Variants in GALR3 observed in about 807,000 individuals in gnomAD.
GALR3 encodes galanin receptor 3, also known as galanin receptor type 3.
Under a neutral mutation model 6.9 loss-of-function variants are expected in GALR3, and 5 were observed. The observed-to-expected ratio is 0.72, with a 90% CI of 0.38 to 1.52. GALR3 has a LOEUF of 1.52. Ranked by LOEUF, GALR3 falls within the 40% of genes most tolerant of loss-of-function variation. GALR3 has a pLI of 0.03. For missense variants in GALR3, 570 were observed against 545.6 expected (o/e 1.04, Z -0.44); for synonymous variants, 308 against 263.6 (o/e 1.17, Z -1.63).
intron 1 of GALR3, among the ~76,000 whole-genome samples, chr22:37,824,393 C>T (rs372865718): frequency 6.6e-6 from 1 of 152,144 alleles, no homozygotes; most frequent in South Asian, 2.1e-4. Flanking sequence ...ACTGCCCACA[C>T]CTGGCCAAGC....
intron 1 of GALR3, 65 bp from the exon 2 acceptor site, chr22:37,824,658 G>C (rs888502136): frequency 5.4e-5 from 56 of 1,031,752 alleles, no homozygotes; most frequent in Non-Finnish European, 6.6e-5. Context: ...GCCCGGGCGC[G>C]GGACGTGGCG....
rs1922547677 is a variant in GALR3 at position 37,824,790 on chromosome 22, G to C, written c.427G>C (p.Val143Leu). Residue 143 changes from valine to leucine, a missense_variant, in exon 2 of 2, where the codon GTG becomes CTG. Physicochemically the swap from Val to Leu is conservative, Grantham distance 32. Transcript: ENST00000249041. ...CACGCCGCGTAACGCCCGCGCCGCA[G>C]TGGGGCTGGTGTGGCTGCTGGCGGC... is the stretch of plus-strand genomic sequence containing the variant. ...LRTPRNARAA[V>L]GLVWLLAALF... The C allele has an allele frequency of 3.0e-6, 4 of 1,331,486 alleles. No homozygotes were observed. Among genetic ancestry groups the C allele is most frequent in the Non-Finnish European group, 2.9e-6 (3 of 1,039,656 alleles). The allele number at this position is 1,331,486 out of a possible 1,614,324, so 82.5% of individuals were successfully genotyped here.
Position 37,825,045 on chromosome 22 carries a change from A to T in GALR3, c.682A>T (p.Arg228Trp), listed in dbSNP as rs1922562995. The change falls in exon 2 of 2, where the codon AGG becomes TGG. Residue 228 changes from arginine (R) to tryptophan (W), a missense_variant. Arg to Trp is a moderately radical substitution (Grantham distance 101). Coordinates refer to ENST00000249041, the MANE Select transcript of GALR3 (RefSeq NM_003614.2). Reference sequence around the variant, plus strand: ...CGCGGCGGCGGCCGAGGCGCGGCGGAGGGCGACGGGCCGCGCGGGGCGCGC... The same window carrying T: ...CGCGGCGGCGGCCGAGGCGCGGCGGTGGGCGACGGGCCGCGCGGGGCGCGC... Reference protein sequence around the residue: ...AGAAAAEARRRATGRAGRAML... With the variant: ...AGAAAAEARRWATGRAGRAML... 8.7e-7 allele frequency: 1 copy of T among 1,145,940 alleles called. No individual in the cohort carries two copies. The highest frequency in any genetic ancestry group is 1.1e-6 in the Non-Finnish European group (1 of 933,136). 71.0% of individuals were successfully genotyped at this position (1,145,940 alleles called of 1,614,324 possible).
chr22:37,824,764 G>T lies in GALR3; in HGVS notation c.401G>T (p.Arg134Leu). The T allele has an allele frequency of 7.9e-7, 1 of 1,271,618 alleles. No homozygotes were observed. The highest frequency in any genetic ancestry group is 9.9e-7 in the Non-Finnish European group (1 of 1,010,910). The allele number at this position is 1,271,618 out of a possible 1,614,324, so 78.8% of individuals were successfully genotyped here. ...CACCCGCTGCGCTCGCGCGCCCTGC[G>T]CACGCCGCGTAACGCCCGCGCCGCA... ...VRHPLRSRAL[R>L]TPRNARAAVG... The change falls in exon 2 of 2, where the codon CGC (arginine) becomes CTC (leucine). Residue 134 changes from arginine (R) to leucine (L), a missense_variant. Transcript: ENST00000249041.
rs1922552973 is a variant in GALR3, at chr22:37,824,867, G to A, written c.504G>A (p.Ala168=). The change falls in exon 2 of 2, where the codon GCG becomes GCA. Residue 168 remains alanine (A), a synonymous_variant. Coordinates refer to ENST00000249041, the MANE Select transcript of GALR3 (RefSeq NM_003614.2). The part of the protein sequence containing the change: ...LSYYGTVRYG[A]LELCVPAWED... ...ACTACGGCACCGTGCGCTACGGCGC[G>A]CTGGAGCTCTGCGTGCCCGCCTGGG... is the stretch of plus-strand genomic sequence containing the variant. 1 of 1,404,650 alleles carries A rather than the reference G, an allele frequency of 7.1e-7. No homozygotes were observed. The highest frequency in any genetic ancestry group is 9.3e-7 in the Non-Finnish European group (1 of 1,074,916). 87.0% of individuals were successfully genotyped at this position (1,404,650 alleles called of 1,614,324 possible).
In GALR3 at chr22:37,824,958, G is replaced by A. The variant is rs1157528760; in HGVS notation, c.595G>A (p.Val199Met). The change falls in exon 2 of 2, where the codon GTG (valine) becomes ATG (methionine). Residue 199 changes from valine (V) to methionine (M), a missense_variant. Transcript: ENST00000249041. The part of the protein sequence containing the change: ...FAAGYLLPVA[V>M]VSLAYGRTLR... ...TGCCGGCTACCTGCTGCCCGTGGCT[G>A]TGGTGAGCCTGGCCTACGGGCGCAC... is the stretch of plus-strand genomic sequence containing the variant. 4 of 1,283,850 alleles carry A rather than the reference G, an allele frequency of 3.1e-6. No individual in the cohort carries two copies. Among genetic ancestry groups the A allele is most frequent in the Non-Finnish European group, 4.0e-6 (4 of 1,009,110 alleles). 79.5% of individuals were successfully genotyped at this position (1,283,850 alleles called of 1,614,324 possible). A position where few individuals can be genotyped will look rare whatever the true frequency, so the allele number is the denominator to read the frequency against.
chr22:37,824,875 T>C lies in GALR3; in HGVS notation c.512T>C (p.Leu171Pro). The change falls in exon 2 of 2, where the codon CTC becomes CCC. Residue 171 changes from leucine (L) to proline (P), a missense_variant. Leu to Pro is a moderately conservative substitution (Grantham distance 98). Coordinates refer to ENST00000249041, the MANE Select transcript of GALR3 (RefSeq NM_003614.2). Reference sequence around the variant, plus strand: ...ACCGTGCGCTACGGCGCGCTGGAGCTCTGCGTGCCCGCCTGGGAGGACGCG... The same window carrying C: ...ACCGTGCGCTACGGCGCGCTGGAGCCCTGCGTGCCCGCCTGGGAGGACGCG... ...YGTVRYGALELCVPAWEDARR... is the reference protein window; with the variant it reads ...YGTVRYGALEPCVPAWEDARR... The C allele has an allele frequency of 2.1e-6, 3 of 1,398,408 alleles. No homozygotes were observed. The highest frequency in any genetic ancestry group is 2.8e-6 in the Non-Finnish European group (3 of 1,072,398). The allele number at this position is 1,398,408 out of a possible 1,614,324, so 86.6% of individuals were successfully genotyped here.
chr22:37,823,528 T>C lies in GALR3; in HGVS notation c.122T>C (p.Val41Ala). 1 of 1,582,936 alleles carries C rather than the reference T, an allele frequency of 6.3e-7. No individual in the cohort carries two copies. The highest frequency in any genetic ancestry group is 8.6e-7 in the Non-Finnish European group (1 of 1,162,674). Reference sequence around the variant, plus strand: ...GTGGGCAATGGGCTGGTGCTGGCAGTGCTCCTGCAGCCTGGCCCGAGTGCC... The same window carrying C: ...GTGGGCAATGGGCTGGTGCTGGCAGCGCTCCTGCAGCCTGGCCCGAGTGCC... Reference protein sequence around the residue: ...GTVGNGLVLAVLLQPGPSAWQ... With the variant: ...GTVGNGLVLAALLQPGPSAWQ... The change falls in exon 1 of 2, where the codon GTG becomes GCG. Residue 41 changes from valine (V) to alanine (A), a missense_variant. By Grantham distance (64) the Val-to-Ala change is moderately conservative. Transcript: ENST00000249041.
At position 37,823,507 on chromosome 22, in the gene GALR3, G is replaced by A. The variant is rs767669133; in HGVS notation, c.101G>A (p.Gly34Asp). ...CTAATCTTCCTGCTGGGCACAGTGG[G>A]CAATGGGCTGGTGCTGGCAGTGCTC... is the stretch of plus-strand genomic sequence containing the variant. ...FALIFLLGTV[G>D]NGLVLAVLLQ... The change falls in exon 1 of 2, where the codon GGC becomes GAC. Residue 34 changes from glycine to aspartate, a missense_variant. By Grantham distance (94) the Gly-to-Asp change is moderately conservative (BLOSUM62 -1). Transcript: ENST00000249041. 2 of 1,613,738 alleles carry A rather than the reference G, an allele frequency of 1.2e-6. No individual in the cohort carries two copies. The highest frequency in any genetic ancestry group is 1.3e-5 in the African/African-American group (1 of 74,908).
rs1922512251 is a variant in GALR3 at position 37,823,752 on chromosome 22, G to C, written c.346G>C (p.Val116Leu). Residue 116 changes from valine to leucine, a missense_variant, in exon 1 of 2, where the codon GTC (valine) becomes CTC (leucine). By Grantham distance (32) the Val-to-Leu change is conservative. Transcript: ENST00000249041. ...CGCCAGCAGCTTTACGCTGGCTGCT[G>C]TCTCCGTGGACAGGTGCGCTGTGCC... ...MYASSFTLAA[V>L]SVDRYLAVRH... is the part of the protein sequence containing the mutation. The C allele has an allele frequency of 1.2e-6, 2 of 1,603,622 alleles. No homozygotes were observed. The highest frequency in any genetic ancestry group is 1.7e-6 in the Non-Finnish European group (2 of 1,173,508).
Position 37,825,409 on chromosome 22 carries a change from AG to A in GALR3, c.1049del (p.Gly350AlafsTer?). 1 of 1,396,314 alleles carries A rather than the reference AG, an allele frequency of 7.2e-7. No homozygotes were observed. 86.5% of individuals were successfully genotyped at this position (1,396,314 alleles called of 1,614,324 possible). ...PSGRLLAGGG[Q>X]GPEPREGPVH... ...GGGAGGCTGCTGGCTGGTGGCGGCC[AG>A]GGCCCGGAGCCCAGGGAGGGACCCG... is the stretch of plus-strand genomic sequence containing the variant. On this transcript the variant is annotated frameshift_variant, in exon 2 of 2. Coordinates refer to ENST00000249041, the MANE Select transcript of GALR3 (RefSeq NM_003614.2). LOFTEE classifies it low-confidence loss of function (END_TRUNC).
At position 37,823,776 on chromosome 22, in the gene GALR3, C is replaced by A. The variant is rs1922513685; in HGVS notation, c.359+11C>A. The A allele has an allele frequency of 2.0e-6, 3 of 1,530,436 alleles. No homozygotes were observed. Among genetic ancestry groups the A allele is most frequent in the African/African-American group, 1.4e-5 (1 of 73,442 alleles). 94.8% of individuals were successfully genotyped at this position (1,530,436 alleles called of 1,614,324 possible). A position where few individuals can be genotyped will look rare whatever the true frequency, so the allele number is the denominator to read the frequency against. On this transcript the variant is annotated intron_variant, in intron 1 of 1. Coordinates refer to ENST00000249041, the MANE Select transcript of GALR3 (RefSeq NM_003614.2). ...TGTCTCCGTGGACAGGTGCGCTGTG[C>A]CTGGGGCCTGGCTGGGCAGGGCTGT...
Position 37,824,743 on chromosome 22 carries a change from C to A in GALR3, c.380C>A (p.Pro127Gln). The A allele has an allele frequency of 8.1e-7, 1 of 1,239,062 alleles. No homozygotes were observed. Among genetic ancestry groups the A allele is most frequent in the South Asian group, 3.1e-5 (1 of 32,556 alleles). The allele number at this position is 1,239,062 out of a possible 1,614,324, so 76.8% of individuals were successfully genotyped here. A position where few individuals can be genotyped will look rare whatever the true frequency, so the allele number is the denominator to read the frequency against. The stretch of plus-strand genomic sequence containing the variant: ...CGCAGGTACCTGGCCGTGCGGCACC[C>A]GCTGCGCTCGCGCGCCCTGCGCACG... ...SVDRYLAVRH[P>Q]LRSRALRTPR... The change falls in exon 2 of 2, where the codon CCG becomes CAG. Residue 127 changes from proline to glutamine, a missense_variant. By Grantham distance (76) the Pro-to-Gln change is moderately conservative. Coordinates refer to ENST00000249041, the MANE Select transcript of GALR3 (RefSeq NM_003614.2).
chr22:37,825,101 C>T lies in GALR3; in HGVS notation c.738C>T (p.Leu246=), dbSNP rs776398663. ...AMLAVAALYA[L]CWGPHHALIL... ...TGGCGGTGGCCGCGCTCTACGCGCTCTGCTGGGGTCCGCACCACGCGCTCA... is the reference window on the plus strand; with the variant it reads ...TGGCGGTGGCCGCGCTCTACGCGCTTTGCTGGGGTCCGCACCACGCGCTCA... The change falls in exon 2 of 2, where the codon CTC becomes CTT. Residue 246 remains leucine, a synonymous_variant. Coordinates refer to ENST00000249041, the MANE Select transcript of GALR3 (RefSeq NM_003614.2). 1.1e-5 allele frequency: 14 copies of T among 1,333,254 alleles called. No individual in the cohort carries two copies. Among genetic ancestry groups the T allele is most frequent in the African/African-American group, 3.0e-5 (2 of 65,978 alleles). The allele number at this position is 1,333,254 out of a possible 1,614,324, so 82.6% of individuals were successfully genotyped here. A position where few individuals can be genotyped will look rare whatever the true frequency, so the allele number is the denominator to read the frequency against.
rs1922545115 is a variant in GALR3, at chr22:37,824,745, C to T, written c.382C>T (p.Leu128=). Reference sequence around the variant, plus strand: ...CAGGTACCTGGCCGTGCGGCACCCGCTGCGCTCGCGCGCCCTGCGCACGCC... The same window carrying T: ...CAGGTACCTGGCCGTGCGGCACCCGTTGCGCTCGCGCGCCCTGCGCACGCC... ...VDRYLAVRHP[L]RSRALRTPRN... The change falls in exon 2 of 2, where the codon CTG becomes TTG. Residue 128 remains leucine (L), a synonymous_variant. Coordinates refer to ENST00000249041, the MANE Select transcript of GALR3 (RefSeq NM_003614.2). 6 of 1,240,326 alleles carry T rather than the reference C, an allele frequency of 4.8e-6. No individual in the cohort carries two copies. Among genetic ancestry groups the T allele is most frequent in the Admixed American group, 4.3e-5 (1 of 23,160 alleles). 76.8% of individuals were successfully genotyped at this position (1,240,326 alleles called of 1,614,324 possible). A position where few individuals can be genotyped will look rare whatever the true frequency, so the allele number is the denominator to read the frequency against.
rs757828727 is a variant in GALR3, at chr22:37,823,511, TG to T, written c.108del (p.Leu37TrpfsTer164). ...LIFLLGTVGNGLVLAVLLQPG... is the reference protein window; with the variant it reads ...LIFLLGTVGNXLVLAVLLQPG... ...TCTTCCTGCTGGGCACAGTGGGCAA[TG>T]GGCTGGTGCTGGCAGTGCTCCTGCA... On this transcript the variant is annotated frameshift_variant, in exon 1 of 2. Transcript: ENST00000249041. LOFTEE classifies it high-confidence loss of function. The T allele has an allele frequency of 6.7e-7, 1 of 1,494,252 alleles. No individual in the cohort carries two copies. Among genetic ancestry groups the T allele is most frequent in the Admixed American group, 1.8e-5 (1 of 55,886 alleles). 92.6% of individuals were successfully genotyped at this position (1,494,252 alleles called of 1,614,324 possible). A position where few individuals can be genotyped will look rare whatever the true frequency, so the allele number is the denominator to read the frequency against.
Position 37,823,609 on chromosome 22 carries a change from A to G in GALR3, c.203A>G (p.Asp68Gly). 6.2e-7 allele frequency: 1 copy of G among 1,613,952 alleles called. No individual in the cohort carries two copies. Among genetic ancestry groups the G allele is most frequent in the Non-Finnish European group, 8.5e-7 (1 of 1,179,974 alleles). ...DLFILNLAVA[D>G]LCFILCCVPF... Reference sequence around the variant, plus strand: ...TTCATCCTCAACCTGGCGGTGGCTGACCTCTGCTTCATCCTGTGCTGCGTG... The same window carrying G: ...TTCATCCTCAACCTGGCGGTGGCTGGCCTCTGCTTCATCCTGTGCTGCGTG... Residue 68 changes from aspartate (D) to glycine (G), a missense_variant, in exon 1 of 2, where the codon GAC becomes GGC. Coordinates refer to ENST00000249041, the MANE Select transcript of GALR3 (RefSeq NM_003614.2).
rs201769452 is a variant in GALR3 at position 37,824,941 on chromosome 22, A to C, written c.578A>C (p.Tyr193Ser). Reference sequence around the variant, plus strand: ...GACGTGGCCACCTTCGCTGCCGGCTACCTGCTGCCCGTGGCTGTGGTGAGC... The same window carrying C: ...GACGTGGCCACCTTCGCTGCCGGCTCCCTGCTGCCCGTGGCTGTGGTGAGC... ...ALDVATFAAG[Y>S]LLPVAVVSLA... The change falls in exon 2 of 2, where the codon TAC becomes TCC. Residue 193 changes from tyrosine to serine, a missense_variant. By Grantham distance (144) the Tyr-to-Ser change is moderately radical (BLOSUM62 -2). Coordinates refer to ENST00000249041, the MANE Select transcript of GALR3 (RefSeq NM_003614.2). 3.2e-3 allele frequency: 4,196 copies of C among 1,322,562 alleles called. 9 individuals are homozygous for C. The highest frequency in any genetic ancestry group is 3.7e-3 in the Non-Finnish European group (3,849 of 1,029,926). The allele number at this position is 1,322,562 out of a possible 1,614,324, so 81.9% of individuals were successfully genotyped here. A position where few individuals can be genotyped will look rare whatever the true frequency, so the allele number is the denominator to read the frequency against.
Position 37,825,003 on chromosome 22 carries a change from G to A in GALR3, c.640G>A (p.Ala214Thr). ...GCGCACGCTGCGCTTCCTGTGGGCC[G>A]CCGTGGGTCCCGCGGGCGCGGCGGC... ...YGRTLRFLWAAVGPAGAAAAE... is the reference protein window; with the variant it reads ...YGRTLRFLWATVGPAGAAAAE... Residue 214 changes from alanine to threonine, a missense_variant, in exon 2 of 2, where the codon GCC (alanine) becomes ACC (threonine). Transcript: ENST00000249041. 2 of 1,188,056 alleles carry A rather than the reference G, an allele frequency of 1.7e-6. No individual in the cohort carries two copies. The highest frequency in any genetic ancestry group is 2.1e-6 in the Non-Finnish European group (2 of 959,622). The allele number at this position is 1,188,056 out of a possible 1,614,324, so 73.6% of individuals were successfully genotyped here.
Sources: allele counts gnomAD v4.1 joint callset (sites outside exome capture counted in the v4.1 genomes callset), GRCh38; gene constraint gnomAD v4.1.1; transcripts MANE v1.5; gene names NCBI Gene and HGNC (gene_info 2026-07-23, HGNC 2026-07-21).